The following ABHD17C variants were observed in gnomAD, a reference collection of about 807,000 sequenced individuals.
The protein encoded by ABHD17C is abhydrolase domain containing 17C, depalmitoylase.
ABHD17C carries 11 observed loss-of-function variants against 27.9 expected under a neutral mutation model. The observed-to-expected ratio is 0.39, with a 90% confidence interval of 0.25 to 0.65. ABHD17C has a LOEUF of 0.65. ABHD17C is among the 30% of genes least tolerant of loss of function. The pLI is 0.45. For missense variants in ABHD17C, 280 were observed against 470.2 expected, an observed-to-expected ratio of 0.60 and a Z score of 3.74; for synonymous variants, 233 against 209.1, an observed-to-expected ratio of 1.11 and a Z score of -0.98.
chr15:80,749,731 A>G (rs1277614919), intron 2 of ABHD17C, 39 bp downstream of exon 2: 3 of 1,582,680 alleles, frequency 1.9e-6, no homozygotes, highest in Admixed American at 3.4e-5. Context: ...AAGTCAGCCA[A>G]TGACTGTGTT....
At chr15:80,736,896 G>A (rs1477368439) in intron 1 of ABHD17C, among the ~76,000 whole-genome samples, 1 of 152,210 alleles carries the variant, frequency 6.6e-6, no homozygotes, top group Non-Finnish European at 1.5e-5. Context: ...AACTTTATAA[G>A]TGATCGTTCC....
intron 1 of ABHD17C, among the ~76,000 whole-genome samples, chr15:80,743,824 C>T (rs771390120): frequency 2.6e-5 from 4 of 152,186 alleles, no homozygotes; most frequent in African/African-American, 4.8e-5. Context: ...TCGCACTCCT[C>T]GGCCTCAGAA....
chr15:80,733,341 C>G (rs75728331), intron 1 of ABHD17C, among the ~76,000 whole-genome samples: 163 of 152,282 alleles, frequency 1.1e-3, no homozygotes, highest in African/African-American at 3.9e-3. Flanking sequence ...CTCACTTGCT[C>G]TCAGCTTTGC....
At chr15:80,741,698 A>G (rs555441431) in intron 1 of ABHD17C, among the ~76,000 whole-genome samples, 6 of 152,308 alleles carry the variant, frequency 3.9e-5, no homozygotes, top group Admixed American at 1.3e-4. Flanking sequence ...CTTATTGTAG[A>G]TCTTACCAAC....
rs186500152 is a variant in ABHD17C, at chr15:80,717,181, T to C, written c.590+21162T>C. Among the ~76,000 whole-genome samples, 54 of 151,892 alleles carry C rather than the reference T, an allele frequency of 3.6e-4. No individual in the cohort carries two copies. In the East Asian group the frequency reaches 0.01, roughly 28 times the overall value. On this transcript the variant is annotated intron_variant, in intron 1 of 2. Transcript: ENST00000258884. ...TATTTCTGGGTTTTCACACATGTGC[T>C]TTACATGTTCTTGTTTTCCTTTACA...
intron 1 of ABHD17C, among the ~76,000 whole-genome samples, chr15:80,722,387 G>T (rs1357733968): frequency 2.1e-5 from 3 of 143,790 alleles, no homozygotes; most frequent in African/African-American, 7.7e-5. Context: ...TTTTTTAAAA[G>T]AACTGCTTTG....
chr15:80,753,635 A>G (rs149997032), intron 2 of ABHD17C, among the ~76,000 whole-genome samples: 44 of 152,240 alleles, frequency 2.9e-4, no homozygotes, highest in African/African-American at 1.1e-3. Context: ...TCCCACTCCT[A>G]GTTCAAGCAA....
intron 1 of ABHD17C, among the ~76,000 whole-genome samples, chr15:80,737,769 G>A (rs1022130193): frequency 1.3e-5 from 2 of 152,132 alleles, no homozygotes; most frequent in East Asian, 1.9e-4. Context: ...ATGACAAGGA[G>A]GGAGAACATT....
intron 1 of ABHD17C, among the ~76,000 whole-genome samples, chr15:80,742,213 C>T: frequency 6.6e-6 from 1 of 152,104 alleles, no homozygotes; most frequent in East Asian, 1.9e-4. Context: ...CATGATCTCC[C>T]ATCTGCAAGC....
At chr15:80,713,443 A>C (rs1894756641) in intron 1 of ABHD17C, among the ~76,000 whole-genome samples, 1 of 126,604 alleles carries the variant, frequency 7.9e-6, no homozygotes, top group African/African-American at 3.0e-5. Flanking sequence ...AGTGTGTCCC[A>C]TTTGTCCAGA....
chr15:80,715,077 G>A (rs1307775919), intron 1 of ABHD17C, among the ~76,000 whole-genome samples: 1 of 152,126 alleles, frequency 6.6e-6, no homozygotes, highest in South Asian at 2.1e-4. Context: ...CACCGCGCCC[G>A]GCCTACACAG....
chr15:80,713,023 C>T (rs1177594881), intron 1 of ABHD17C, among the ~76,000 whole-genome samples: 2 of 152,130 alleles, frequency 1.3e-5, no homozygotes, highest in African/African-American at 4.8e-5. Context: ...TTCCACCATT[C>T]TTACAGCATC....
At chr15:80,705,361 GT>G (rs1225683344) in intron 1 of ABHD17C, among the ~76,000 whole-genome samples, 14 of 151,464 alleles carry the variant, frequency 9.2e-5, no homozygotes, top group Admixed American at 9.2e-4. Context: ...GTGTGTGTGT[GT>G]GTGTGGTTAG....
chr15:80,736,785 T>C (rs1182245125), intron 1 of ABHD17C, among the ~76,000 whole-genome samples: 2 of 152,194 alleles, frequency 1.3e-5, no homozygotes, highest in Admixed American at 6.5e-5. Flanking sequence ...TCAAGGCCCA[T>C]TAACTTAAAC....
At chr15:80,742,287 G>A (rs529531848) in intron 1 of ABHD17C, among the ~76,000 whole-genome samples, 1 of 152,300 alleles carries the variant, frequency 6.6e-6, no homozygotes, top group Admixed American at 6.5e-5. Flanking sequence ...ACCAGGAGGA[G>A]CTGATGGTGC....
At chr15:80,715,749 GTTTCC>G (rs1555422423) in intron 1 of ABHD17C, among the ~76,000 whole-genome samples, 2 of 152,140 alleles carry the variant, frequency 1.3e-5, no homozygotes, top group Non-Finnish European at 2.9e-5. Context: ...TGAGTGCAAG[GTTTCC>G]ATGTATTTCT....
chr15:80,699,224 T>C (rs968837299), intron 1 of ABHD17C, among the ~76,000 whole-genome samples: 1 of 152,274 alleles, frequency 6.6e-6, no homozygotes, highest in African/African-American at 2.4e-5. Flanking sequence ...AGGGACACTA[T>C]GTCTTCTCTA....
chr15:80,721,579 G>T (rs1390422863), intron 1 of ABHD17C, among the ~76,000 whole-genome samples: 1 of 152,194 alleles, frequency 6.6e-6, no homozygotes, highest in African/African-American at 2.4e-5. Context: ...TAGCAAATGT[G>T]CCGTAAATGC....
intron 1 of ABHD17C, among the ~76,000 whole-genome samples, chr15:80,723,249 G>A (rs1894924712): frequency 6.6e-6 from 1 of 151,754 alleles, no homozygotes; most frequent in African/African-American, 2.4e-5. Flanking sequence ...AGCTGCCAAG[G>A]CTGTTACATG....
Sources: gnomAD v4.1 joint callset for allele counts (sites outside exome capture counted in the v4.1 genomes callset) on GRCh38, gnomAD v4.1.1 for gene constraint, MANE v1.5 for transcripts, NCBI Gene and HGNC (gene_info 2026-07-23, HGNC 2026-07-21) for gene names.